ADAMTSL3: variants seen among roughly 807,000 people sequenced by gnomAD.
ADAMTSL3 encodes the protein ADAMTS like 3.
In ADAMTSL3, 128 loss-of-function variants were observed where a neutral mutation model predicts 201.7. That is an observed-to-expected ratio of 0.63 (90% CI 0.55 to 0.73). The LOEUF is 0.73. Ranked by LOEUF, ADAMTSL3 falls within the 30% of genes least tolerant of loss-of-function variation. ADAMTSL3 has a pLI of 0.00. For synonymous variants in ADAMTSL3, 738 were observed against 748.4 expected, an observed-to-expected ratio of 0.99 and a Z score of 0.23; for missense variants, 1,990 against 2,119.6, an observed-to-expected ratio of 0.94 and a Z score of 1.20.
At chr15:83,888,806 C>G (rs1247480481) in intron 10 of ADAMTSL3, among the ~76,000 whole-genome samples, 1 of 152,134 alleles carries the variant, frequency 6.6e-6, no homozygotes. Context: ...ATAATGCATA[C>G]CAGTCCGTCC....
At chr15:83,731,557 A>G (rs1475692745) in intron 3 of ADAMTSL3, among the ~76,000 whole-genome samples, 3 of 152,088 alleles carry the variant, frequency 2.0e-5, no homozygotes, top group Non-Finnish European at 4.4e-5. Context: ...GATTCTAGGT[A>G]TGTATCCAAA....
intron 5 of ADAMTSL3, among the ~76,000 whole-genome samples, chr15:83,815,334 G>A (rs2063756365): frequency 1.3e-5 from 2 of 152,204 alleles, no homozygotes; most frequent in South Asian, 4.1e-4. Flanking sequence ...CACTTGTTCA[G>A]TGTGTTTCAT....
At chr15:83,871,244 A>G (rs2065075792) in intron 9 of ADAMTSL3, among the ~76,000 whole-genome samples, 1 of 152,178 alleles carries the variant, frequency 6.6e-6, no homozygotes, top group Non-Finnish European at 1.5e-5. Context: ...TGTTGGTTTA[A>G]GAAACAGGGT....
intron 26 of ADAMTSL3, among the ~76,000 whole-genome samples, chr15:84,022,687 C>G (rs1184286146): frequency 3.3e-5 from 5 of 152,162 alleles, no homozygotes; most frequent in African/African-American, 9.7e-5. Flanking sequence ...ATAGTAGGTG[C>G]TTAGTAAATA....
At chr15:84,032,130 T>C (rs866579874) in intron 28 of ADAMTSL3, among the ~76,000 whole-genome samples, 3 of 152,210 alleles carry the variant, frequency 2.0e-5, no homozygotes, top group Admixed American at 2.0e-4. Flanking sequence ...TGTGTGACCC[T>C]GGACTGCCTA....
chr15:83,983,065 C>A lies in ADAMTSL3; in HGVS notation c.3437C>A (p.Pro1146His). Reference sequence around the variant, plus strand: ...TGGCGGGGCATCCAGGAAGAGACACCTCCTGCTGCTCAGCTCAGAGGGGAA... The same window carrying A: ...TGGCGGGGCATCCAGGAAGAGACACATCCTGCTGCTCAGCTCAGAGGGGAA... ...MQWRGIQEET[P>H]PAAQLRGETG... Residue 1146 changes from proline (P) to histidine (H), a missense_variant, in exon 21 of 30, where the codon CCT becomes CAT. Pro to His is a moderately conservative substitution (Grantham distance 77, BLOSUM62 -2). Coordinates refer to ENST00000286744, the MANE Select transcript of ADAMTSL3 (RefSeq NM_207517.3). 6.2e-7 allele frequency: 1 copy of A among 1,614,126 alleles called. No individual in the cohort carries two copies. The highest frequency in any genetic ancestry group is 8.5e-7 in the Non-Finnish European group (1 of 1,180,020).
intron 3 of ADAMTSL3, among the ~76,000 whole-genome samples, chr15:83,772,983 T>G (rs1451115582): frequency 6.6e-6 from 1 of 152,186 alleles, no homozygotes; most frequent in Non-Finnish European, 1.5e-5. Flanking sequence ...AATTTAGCAA[T>G]GATAAAATTT....
chr15:83,683,787 T>G (rs755262153), intron 2 of ADAMTSL3, among the ~76,000 whole-genome samples: 3 of 152,194 alleles, frequency 2.0e-5, no homozygotes, highest in Non-Finnish European at 4.4e-5. Context: ...CCATGGCCCT[T>G]TCCACACTTG....
chr15:83,771,570 T>C (rs901287484), intron 3 of ADAMTSL3, among the ~76,000 whole-genome samples: 1 of 152,248 alleles, frequency 6.6e-6, no homozygotes, highest in African/African-American at 2.4e-5. Flanking sequence ...TTGTTTCACA[T>C]AACCTAATGT....
At chr15:83,791,594 C>T (rs1427629149) in intron 4 of ADAMTSL3, among the ~76,000 whole-genome samples, 3 of 152,188 alleles carry the variant, frequency 2.0e-5, no homozygotes, top group African/African-American at 2.4e-5. Flanking sequence ...CGCAGTGGCT[C>T]ACGCCTGTAA....
At position 83,654,239 on chromosome 15, in the gene ADAMTSL3, C is replaced by T. The variant is rs574035472; in HGVS notation, c.-71C>T. 129 of 152,328 alleles carry T rather than the reference C, an allele frequency of 8.5e-4. No individual in the cohort carries two copies. The highest frequency in any genetic ancestry group is 3.0e-3 in the African/African-American group (126 of 41,564). The allele number at this position is 152,328 out of a possible 1,614,324, so 9.4% of individuals were successfully genotyped here. A position where few individuals can be genotyped will look rare whatever the true frequency, so the allele number is the denominator to read the frequency against. ...CCAGCGCGCGCCGAGCCCGCGCGGC[C>T]CCGGGGCTGCACGTCCCAGATACTT... On this transcript the variant is annotated 5_prime_UTR_variant, in exon 1 of 30. Coordinates refer to ENST00000286744, the MANE Select transcript of ADAMTSL3 (RefSeq NM_207517.3). This position sits in a 1 kb window ranked among gnomAD's most constrained non-coding sequence, Gnocchi z 5.3.
intron 4 of ADAMTSL3, among the ~76,000 whole-genome samples, chr15:83,792,323 C>A (rs2063357046): frequency 6.6e-6 from 1 of 151,956 alleles, no homozygotes; most frequent in South Asian, 2.1e-4. Context: ...GGAAATGCAA[C>A]CTAAACCACA....
chr15:83,768,786 T>A (rs1053893214), intron 3 of ADAMTSL3, among the ~76,000 whole-genome samples: 1 of 152,224 alleles, frequency 6.6e-6, no homozygotes, highest in Non-Finnish European at 1.5e-5. Flanking sequence ...GTCTGTGTTA[T>A]CATTATGCTG....
At chr15:83,655,293 C>T (rs1448914461) in intron 1 of ADAMTSL3, among the ~76,000 whole-genome samples, 1 of 152,220 alleles carries the variant, frequency 6.6e-6, no homozygotes, top group Admixed American at 6.5e-5. Flanking sequence ...TAAAATGTCA[C>T]TATCTTGCTG....
chr15:83,872,970 G>C (rs551965075), intron 9 of ADAMTSL3, among the ~76,000 whole-genome samples: 1 of 145,658 alleles, frequency 6.9e-6, no homozygotes, highest in East Asian at 2.3e-4. Flanking sequence ...TTTTAGAGGG[G>C]ATAACATTTT....
intron 3 of ADAMTSL3, chr15:83,740,178 CTTT>C (rs2062432243): frequency 4.4e-6 from 1 of 225,162 alleles, no homozygotes. Context: ...GTGCACAGGG[CTTT>C]AGGGTTTCTT....
intron 19 of ADAMTSL3, among the ~76,000 whole-genome samples, chr15:83,943,742 C>G (rs948063020): frequency 5.3e-5 from 8 of 152,156 alleles, no homozygotes; most frequent in Admixed American, 1.3e-4. Context: ...ATTACACTGC[C>G]CACTTGATCT....
At chr15:83,776,456 G>A (rs1413801681) in intron 4 of ADAMTSL3, among the ~76,000 whole-genome samples, 2 of 152,152 alleles carry the variant, frequency 1.3e-5, no homozygotes, top group Admixed American at 1.3e-4. Flanking sequence ...AGTGGCTCAC[G>A]CCTGTAATCC....
At chr15:83,759,482 C>G (rs1019763403) in intron 3 of ADAMTSL3, among the ~76,000 whole-genome samples, 12 of 152,178 alleles carry the variant, frequency 7.9e-5, no homozygotes, top group Admixed American at 7.9e-4. Flanking sequence ...GCCTTGGCCT[C>G]CCAAAGTGCT....
Sources: gnomAD v4.1 joint callset for allele counts (sites outside exome capture counted in the v4.1 genomes callset) on GRCh38, gnomAD v4.1.1 for gene constraint, Gnocchi (gnomAD v3.1) non-coding constraint, MANE v1.5 for transcripts, NCBI Gene and HGNC (gene_info 2026-07-23, HGNC 2026-07-21) for gene names.